Variants in CARD10 observed in about 807,000 individuals in gnomAD.
CARD10 encodes caspase recruitment domain-containing protein 10.
In CARD10, 49 loss-of-function variants were observed where a neutral mutation model predicts 114.6. The observed-to-expected ratio is 0.43, with a 90% CI of 0.34 to 0.54. CARD10 has a LOEUF of 0.54. Ranked by LOEUF, CARD10 falls within the 20% of genes least tolerant of loss-of-function variation. CARD10 has a pLI of 0.03. For missense variants in CARD10, 1,206 were observed against 1,397.2 expected (o/e 0.86, Z 2.18); for synonymous variants, 602 against 593.2 (o/e 1.01, Z -0.21).
intron 4 of CARD10, among the ~76,000 whole-genome samples, chr22:37,509,338 C>T (rs1190790997): frequency 6.6e-6 from 1 of 152,164 alleles, no homozygotes; most frequent in Non-Finnish European, 1.5e-5. Flanking sequence ...GAAAAATGCT[C>T]ACACTCAAAA....
chr22:37,495,850 GC>G lies in CARD10; in HGVS notation c.2212del (p.Ala738HisfsTer36). On this transcript the variant is annotated frameshift_variant, in exon 14 of 20. Transcript: ENST00000251973. LOFTEE classifies it high-confidence loss of function. ...GAACCATTCCTGCCTCCGCTTGTAT[GC>G]CGAGTCCACCAGTCGAAGGATCTCT... The part of the protein sequence containing the change: ...AQEILRLVDS[A>X]YKRRQEWFCT... 6.2e-7 allele frequency: 1 copy of G among 1,614,156 alleles called. No individual in the cohort carries two copies. The highest frequency in any genetic ancestry group is 1.7e-5 in the Admixed American group (1 of 60,028).
At position 37,491,341 on chromosome 22, in the gene CARD10, G is replaced by T; in HGVS notation, c.2917C>A (p.Arg973Ser). The change falls in exon 20 of 20, where the codon CGT becomes AGT. Residue 973 changes from arginine (R) to serine (S), a missense_variant. Arg to Ser is a moderately radical substitution (Grantham distance 110). Around this residue, in one of 2 missense-constraint regions of CARD10, gnomAD observed 1,068 missense variants for 1,179.1 expected, o/e 0.91. Transcript: ENST00000251973. Reference sequence around the variant, plus strand: ...CCCCAGAGCACCTGCTCTGAGCCACGGCACTGCCGCAGCAGCTCTGAGTCC... The same window carrying T: ...CCCCAGAGCACCTGCTCTGAGCCACTGCACTGCCGCAGCAGCTCTGAGTCC... ...WRDSELLRQC[R>S]GSEQVLWGLP... 1 of 1,544,784 alleles carries T rather than the reference G, an allele frequency of 6.5e-7. No homozygotes were observed.
In CARD10 at chr22:37,494,740, C is replaced by A. The variant is rs572125363; in HGVS notation, c.2374-552G>T. ...CAGGCAGTACAACCCCCGCACTTTA[C>A]AGATGAGGAAACAAGCCTCAAGGAA... On this transcript the variant is annotated intron_variant, in intron 15 of 19. Transcript: ENST00000251973. Among the ~76,000 whole-genome samples the A allele has an allele frequency of 2.0e-5, 3 of 152,328 alleles. No individual in the cohort carries two copies. The East Asian group carries it at 5.8e-4, about 29-fold the overall frequency.
intron 10 of CARD10, 119 bp downstream of exon 10, chr22:37,503,066 G>T: frequency 8.8e-7 from 1 of 1,140,780 alleles, no homozygotes; most frequent in South Asian, 1.4e-5. Context: ...GGCCACGGCG[G>T]GGCTTCAGGG....
At position 37,501,262 on chromosome 22, in the gene CARD10, T is replaced by TGGGGCCTGGGCGGGGCTGGGACGGA. The variant is rs2145760161; in HGVS notation, c.1787+1315_1787+1339dup. On this transcript the variant is annotated intron_variant, in intron 11 of 19. Coordinates refer to ENST00000251973, the MANE Select transcript of CARD10 (RefSeq NM_014550.4). The surrounding 1 kb of genome is among the most constrained non-coding windows in gnomAD (Gnocchi z 5.4). ...CAGCAGAAGTGGCCCCATGTGATCGTGGGGCCTGGGCGGGGCTGGGACGGA... is the reference window on the plus strand; with the variant it reads ...CAGCAGAAGTGGCCCCATGTGATCGTGGGGCCTGGGCGGGGCTGGGACGGAGGGGCCTGGGCGGGGCTGGGACGGA... Among the ~76,000 whole-genome samples the TGGGGCCTGGGCGGGGCTGGGACGGA allele has an allele frequency of 6.6e-6, 1 of 152,124 alleles. No homozygotes were observed. Among genetic ancestry groups the TGGGGCCTGGGCGGGGCTGGGACGGA allele is most frequent in the South Asian group, 2.1e-4 (1 of 4,810 alleles).
chr22:37,513,578 C>T (rs1923735230), intron 3 of CARD10, among the ~76,000 whole-genome samples: 1 of 152,174 alleles, frequency 6.6e-6, no homozygotes, highest in Non-Finnish European at 1.5e-5. Context: ...TCGCATCACA[C>T]CCAACCCAAA....
In CARD10 at chr22:37,496,876, C is replaced by A; in HGVS notation, c.1947+143G>T. The A allele has an allele frequency of 1.9e-6, 2 of 1,029,928 alleles. No individual in the cohort carries two copies. The highest frequency in any genetic ancestry group is 1.4e-6 in the Non-Finnish European group (1 of 705,672). 63.8% of individuals were successfully genotyped at this position (1,029,928 alleles called of 1,614,324 possible). The stretch of plus-strand genomic sequence containing the variant: ...CAATTAAGCCTGGCTGAGCAGGCAA[C>A]CACAGCTAATCACTGAGCCCGCTTC... On this transcript the variant is annotated intron_variant, in intron 12 of 19. Coordinates refer to ENST00000251973, the MANE Select transcript of CARD10 (RefSeq NM_014550.4). The surrounding 1 kb of genome is among the most constrained non-coding windows in gnomAD (Gnocchi z 4.1).
At chr22:37,500,707 G>A (rs1214443418) in intron 11 of CARD10, among the ~76,000 whole-genome samples, 1 of 152,214 alleles carries the variant, frequency 6.6e-6, no homozygotes, top group Non-Finnish European at 1.5e-5. Context: ...GCTCCGAGGG[G>A]CCTGTGACTT....
At chr22:37,503,076 G>T (rs573465639) in intron 10 of CARD10, 109 bp downstream of exon 10, 1 of 1,230,274 alleles carries the variant, frequency 8.1e-7, no homozygotes, top group East Asian at 2.4e-5. Context: ...GGGCTTCAGG[G>T]AAGGGGATGC....
intron 16 of CARD10, among the ~76,000 whole-genome samples, chr22:37,493,865 G>A (rs537609232): frequency 1.3e-5 from 2 of 152,322 alleles, no homozygotes; most frequent in South Asian, 4.1e-4. Context: ...AGCCACGTCT[G>A]CATGCACCTC....
chr22:37,503,735 G>A (rs1923303435), intron 9 of CARD10, among the ~76,000 whole-genome samples: 1 of 152,164 alleles, frequency 6.6e-6, no homozygotes, highest in Non-Finnish European at 1.5e-5. Flanking sequence ...TCGCGCCCCA[G>A]GAGGCAGGCT....
rs765902502 is a variant in CARD10, at chr22:37,506,211, T to G, written c.1364A>C (p.Gln455Pro). ...GCTCACCTTGAGGCAGGTGCCACCC[T>G]GGGCCCGCTGCAGCTGAACCTCCAG... ...ALLEVQLQRA[Q>P]GGTCLKACAS... is the part of the protein sequence containing the mutation. Residue 455 changes from glutamine to proline, a missense_variant, in exon 7 of 20, where the codon CAG (glutamine) becomes CCG (proline). Coordinates refer to ENST00000251973, the MANE Select transcript of CARD10 (RefSeq NM_014550.4). 6.3e-7 allele frequency: 1 copy of G among 1,583,624 alleles called. No homozygotes were observed. The highest frequency in any genetic ancestry group is 1.2e-5 in the South Asian group (1 of 85,764).
In CARD10 at chr22:37,496,693, A is replaced by G. The variant is rs1310713460; in HGVS notation, c.1948-133T>C. The G allele has an allele frequency of 6.8e-6, 5 of 730,700 alleles. No homozygotes were observed. The highest frequency in any genetic ancestry group is 1.2e-5 in the Non-Finnish European group (5 of 429,048). 45.3% of individuals were successfully genotyped at this position (730,700 alleles called of 1,614,324 possible). A position where few individuals can be genotyped will look rare whatever the true frequency, so the allele number is the denominator to read the frequency against. On this transcript the variant is annotated intron_variant, in intron 12 of 19. Coordinates refer to ENST00000251973, the MANE Select transcript of CARD10 (RefSeq NM_014550.4). This position sits in a 1 kb window ranked among gnomAD's most constrained non-coding sequence, Gnocchi z 4.1. ...AGATAGCGCCCCCTCAGAAACTGCC[A>G]TGCCCAGCCCAGTCAGACCCGTCCC...
rs922343268 is a variant in CARD10, at chr22:37,494,126, T to G, written c.2436A>C (p.Ala812=). 9 of 1,560,260 alleles carry G rather than the reference T, an allele frequency of 5.8e-6. No homozygotes were observed. In the Middle Eastern group the frequency reaches 1.2e-3, roughly 203 times the overall value. The part of the protein sequence containing the change: ...LVRPKPVGAP[A]GDSPDQLLLE... ...GCAGCAGCTGATCCGGGGAGTCCCC[T>G]GCAGGCGCCCCCACGGGCTTGGGCC... Residue 812 remains alanine (A), a synonymous_variant, in exon 16 of 20, where the codon GCA becomes GCC. Transcript: ENST00000251973.
intron 10 of CARD10, 112 bp from the exon 11 acceptor site, chr22:37,502,837 GC>G: frequency 7.8e-7 from 1 of 1,275,832 alleles, no homozygotes; most frequent in Non-Finnish European, 1.1e-6. Flanking sequence ...CAGGTTTGAG[GC>G]CCCAGGAGCA....
At chr22:37,508,344 C>T (rs1464187459) in intron 5 of CARD10, among the ~76,000 whole-genome samples, 183 bp downstream of exon 5, 1 of 152,234 alleles carries the variant, frequency 6.6e-6, no homozygotes, top group African/African-American at 2.4e-5. Context: ...GAAAAGGCAC[C>T]TTTGTTTTGC....
rs1238263003 is a variant in CARD10, at chr22:37,490,688, G to C, written c.*471C>G. 6.3e-6 allele frequency: 1 copy of C among 158,736 alleles called. No homozygotes were observed. Among genetic ancestry groups the C allele is most frequent in the South Asian group, 1.8e-4 (1 of 5,470 alleles). The allele number at this position is 158,736 out of a possible 1,614,324, so 9.8% of individuals were successfully genotyped here. ...CCAGTCCATGCATGGCTGAATCCAC[G>C]AGGAGCGCGAGCTGGATGGTGGGAG... On this transcript the variant is annotated 3_prime_UTR_variant, in exon 20 of 20. Transcript: ENST00000251973.
chr22:37,498,907 G>A (rs966076635), intron 11 of CARD10, among the ~76,000 whole-genome samples: 1 of 52,358 alleles, frequency 1.9e-5, no homozygotes, highest in African/African-American at 1.2e-4. Flanking sequence ...CTGGGGGGTG[G>A]GGGGGGGGGG....
At chr22:37,517,126 G>A (rs903059212) in intron 2 of CARD10, among the ~76,000 whole-genome samples, 23 of 152,214 alleles carry the variant, frequency 1.5e-4, no homozygotes, top group South Asian at 6.2e-4. Flanking sequence ...GGATGTTCCC[G>A]TATCGTTGTA....
Sources: gnomAD v4.1 joint callset for allele counts (sites outside exome capture counted in the v4.1 genomes callset) on GRCh38, gnomAD v4.1.1 for gene constraint, gnomAD v4.1.1 regional missense constraint, Gnocchi (gnomAD v3.1) non-coding constraint, MANE v1.5 for transcripts, NCBI Gene and HGNC (gene_info 2026-07-23, HGNC 2026-07-21) for gene names.